The following CLYBL variants were observed in gnomAD, a reference collection of about 807,000 sequenced individuals.
CLYBL encodes citramalyl-CoA lyase, mitochondrial.
In CLYBL, 31 loss-of-function variants were observed where a neutral mutation model predicts 38.9. That is an observed-to-expected ratio of 0.80 (90% CI 0.60 to 1.08). The LOEUF (loss-of-function observed/expected upper bound fraction) is 1.08. CLYBL is among the 50% of genes least tolerant of loss of function. CLYBL has a pLI of 0.00. For missense variants in CLYBL, 434 were observed against 411.6 expected (o/e 1.05, Z -0.47); for synonymous variants, 171 against 158.6 (o/e 1.08, Z -0.59).
At position 99,705,866 on chromosome 13, in the gene CLYBL, CTA is replaced by C; in HGVS notation, c.63-66955_63-66954del. 1.3e-5 allele frequency among the ~76,000 whole-genome samples: 2 copies of C among 152,022 alleles called. 1 individual carries two copies. The highest frequency in any genetic ancestry group is 1.3e-4 in the Admixed American group (2 of 15,254). ...TGCACAATATTGTGAAAGGACAAAA[CTA>C]TACCTAAAAATGGTTCAAATGCTAA... is the stretch of plus-strand genomic sequence containing the variant. On this transcript the variant is annotated intron_variant, in intron 1 of 8. Transcript: ENST00000339105.
rs566347887 is a variant in CLYBL at position 99,671,639 on chromosome 13, G to A, written c.62+64882G>A. Among the ~76,000 whole-genome samples, 109 of 152,156 alleles carry A rather than the reference G, an allele frequency of 7.2e-4. 1 individual carries two copies. Among genetic ancestry groups the A allele is most frequent in the African/African-American group, 2.5e-3 (105 of 41,498 alleles). On this transcript the variant is annotated intron_variant, in intron 1 of 8. Transcript: ENST00000339105. ...TACTAAAAATACAAAAATTAGCCAG[G>A]TGTGATGGTGCGTGCCTGTAATCCC...
At chr13:99,826,524 T>C (rs1293036863) in intron 2 of CLYBL, among the ~76,000 whole-genome samples, 1 of 152,204 alleles carries the variant, frequency 6.6e-6, no homozygotes, top group Non-Finnish European at 1.5e-5. Flanking sequence ...TCTTTGACTC[T>C]ATTGCAATCC....
At chr13:99,756,048 T>G (rs1321231662) in intron 1 of CLYBL, among the ~76,000 whole-genome samples, 1 of 152,236 alleles carries the variant, frequency 6.6e-6, no homozygotes, top group African/African-American at 2.4e-5. Flanking sequence ...TATCTCACTG[T>G]GGACTTGATA....
At chr13:99,738,129 A>G (rs2048696244) in intron 1 of CLYBL, among the ~76,000 whole-genome samples, 1 of 152,220 alleles carries the variant, frequency 6.6e-6, no homozygotes, top group Non-Finnish European at 1.5e-5. Context: ...CATGGTGGGT[A>G]TTCCCTGATT....
chr13:99,820,447 C>T (rs973064263), intron 2 of CLYBL, among the ~76,000 whole-genome samples: 1 of 152,144 alleles, frequency 6.6e-6, no homozygotes, highest in South Asian at 2.1e-4. Flanking sequence ...TGGACTGCTT[C>T]CATATACTCT....
chr13:99,620,668 T>A (rs995504492), intron 1 of CLYBL, among the ~76,000 whole-genome samples: 3 of 152,002 alleles, frequency 2.0e-5, no homozygotes, highest in African/African-American at 7.3e-5. Context: ...TCTCAGCTAC[T>A]CAGGAGGCTG....
intron 1 of CLYBL, among the ~76,000 whole-genome samples, chr13:99,625,002 A>G (rs141321680): frequency 1.3e-5 from 2 of 152,300 alleles, no homozygotes; most frequent in East Asian, 1.9e-4. Context: ...ACTGAAATTA[A>G]GCATGATAGA....
chr13:99,895,947 T>C (rs1555326771), downstream of CLYBL: 1 of 151,944 alleles, frequency 6.6e-6, no homozygotes, highest in Non-Finnish European at 1.5e-5. Context: ...CGGCTGGGTT[T>C]GACTTTTGCT....
intron 1 of CLYBL, among the ~76,000 whole-genome samples, chr13:99,717,919 T>C (rs1161111565): frequency 1.3e-5 from 2 of 152,254 alleles, no homozygotes; most frequent in Non-Finnish European, 2.9e-5. Context: ...CTTTCATTTA[T>C]TGAATTACAG....
rs572188447 is a variant in CLYBL at position 99,624,876 on chromosome 13, G to C, written c.62+18119G>C. 3.9e-5 allele frequency among the ~76,000 whole-genome samples: 6 copies of C among 152,312 alleles called. No homozygotes were observed. The East Asian group carries it at 1.2e-3, about 29-fold the overall frequency. On this transcript the variant is annotated intron_variant, in intron 1 of 8. Coordinates refer to ENST00000339105, the MANE Select transcript of CLYBL (RefSeq NM_206808.5). ...AATCATGGTCTTCCAGCTCAGTGGA[G>C]GCATCTTAGCGGGATCCAAAATAAC...
chr13:99,651,099 A>G (rs1299848974), intron 1 of CLYBL, among the ~76,000 whole-genome samples: 1 of 152,100 alleles, frequency 6.6e-6, no homozygotes, highest in Non-Finnish European at 1.5e-5. Context: ...GCAGTCACCC[A>G]CACTGCCGTG....
intron 1 of CLYBL, among the ~76,000 whole-genome samples, chr13:99,769,279 C>T (rs989738472): frequency 1.3e-5 from 2 of 152,144 alleles, no homozygotes; most frequent in African/African-American, 4.8e-5. Flanking sequence ...TATTTAATAT[C>T]CAAGCCTTCC....
intron 1 of CLYBL, among the ~76,000 whole-genome samples, chr13:99,761,837 G>A (rs1441398163): frequency 6.6e-6 from 1 of 152,116 alleles, no homozygotes; most frequent in East Asian, 1.9e-4. Context: ...ACTCGTTACT[G>A]ACCATCTTTT....
At chr13:99,854,204 C>T (rs2051401060) in intron 2 of CLYBL, among the ~76,000 whole-genome samples, 1 of 152,082 alleles carries the variant, frequency 6.6e-6, no homozygotes, top group Non-Finnish European at 1.5e-5. Flanking sequence ...CTGTCTCTGC[C>T]ATTTCCTCTG....
chr13:99,735,264 G>A (rs146566073), intron 1 of CLYBL, among the ~76,000 whole-genome samples: 3 of 152,178 alleles, frequency 2.0e-5, no homozygotes, highest in African/African-American at 7.2e-5. Flanking sequence ...TGTGATCATA[G>A]CTCACTGCAG....
intron 1 of CLYBL, among the ~76,000 whole-genome samples, chr13:99,701,976 T>TACC (rs1242728435): frequency 5.3e-5 from 8 of 152,304 alleles, no homozygotes; most frequent in African/African-American, 1.9e-4. Flanking sequence ...AGTGAAGTGA[T>TACC]ACCCCCTCTC....
At chr13:99,909,108 G>A (rs1364294174) in exon 10 of CLYBL, among the ~76,000 whole-genome samples, 1 of 152,194 alleles carries the variant, frequency 6.6e-6, no homozygotes, top group Non-Finnish European at 1.5e-5. Flanking sequence ...CAAAAGTTCA[G>A]TCTAGTCTGG....
chr13:99,765,194 T>C (rs1226562575), intron 1 of CLYBL, among the ~76,000 whole-genome samples: 1 of 152,182 alleles, frequency 6.6e-6, no homozygotes, highest in Non-Finnish European at 1.5e-5. Context: ...CTGAATACAA[T>C]ATTTTTGGAT....
intron 1 of CLYBL, among the ~76,000 whole-genome samples, chr13:99,740,554 C>T (rs2048736438): frequency 6.6e-6 from 1 of 152,118 alleles, no homozygotes; most frequent in Non-Finnish European, 1.5e-5. Flanking sequence ...TTCTATGTGC[C>T]GGTCTTGCCT....
Sources: gnomAD v4.1 joint callset for allele counts (sites outside exome capture counted in the v4.1 genomes callset) on GRCh38, gnomAD v4.1.1 for gene constraint, MANE v1.5 for transcripts, NCBI Gene and HGNC (gene_info 2026-07-23, HGNC 2026-07-21) for gene names.